The following SETD5 variants were observed in gnomAD, a reference collection of about 807,000 sequenced individuals.
SETD5 encodes the protein SET domain containing 5.
In SETD5, 44 loss-of-function variants were observed where a neutral mutation model predicts 153.3. The observed-to-expected ratio is 0.29, with a 90% CI of 0.23 to 0.37. The LOEUF (loss-of-function observed/expected upper bound fraction) is 0.37, where lower values mean the gene tolerates loss of function less well. Ranked by LOEUF, SETD5 falls within the 10% of genes least tolerant of loss-of-function variation. SETD5 has a pLI of 1.00. For synonymous variants in SETD5, 716 were observed against 645.2 expected (o/e 1.11, Z -1.66); for missense variants, 1,544 against 1,768.0 (o/e 0.87, Z 2.27).
In SETD5 at chr3:9,473,402, G is replaced by A. The variant is rs753829449; in HGVS notation, c.3362G>A (p.Arg1121Gln). The stretch of plus-strand genomic sequence containing the variant: ...CATGGTGTGCAGGGATCCTCAGCCC[G>A]AACTCCATCTTCCCCTCACAAAAAA... ...GAHGVQGSSA[R>Q]TPSSPHKKFS... The change falls in exon 20 of 23, where the codon CGA becomes CAA. Residue 1121 changes from arginine to glutamine, a missense_variant. Transcript: ENST00000402198. The A allele has an allele frequency of 9.9e-6, 16 of 1,613,776 alleles. No individual in the cohort carries two copies. Among genetic ancestry groups the A allele is most frequent in the Admixed American group, 1.7e-5 (1 of 59,994 alleles).
intron 19 of SETD5, among the ~76,000 whole-genome samples, chr3:9,471,741 G>A (rs1195087605): frequency 6.6e-6 from 1 of 152,212 alleles, no homozygotes; most frequent in Non-Finnish European, 1.5e-5. Flanking sequence ...GTTTGAGAAT[G>A]AGTAGGAGTG....
At chr3:9,440,349 T>C (rs2041122312) in intron 7 of SETD5, 107 bp from the exon 8 acceptor site, 2 of 651,930 alleles carry the variant, frequency 3.1e-6, no homozygotes, top group East Asian at 2.6e-5. Flanking sequence ...GCCACATCAA[T>C]TGCCAAGTGA....
chr3:9,470,820 A>G lies in SETD5; in HGVS notation c.3086A>G (p.Tyr1029Cys). ...CSPAEGFSSR[Y>C]EHGLMKDLSR... ...CCTGCAGAAGGATTTTCCAGCAGAT[A>G]TGAACATGGCTTAATGAAAGACCTC... is the stretch of plus-strand genomic sequence containing the variant. The change falls in exon 19 of 23, where the codon TAT (tyrosine) becomes TGT (cysteine). Residue 1029 changes from tyrosine to cysteine, a missense_variant. By Grantham distance (194) the Tyr-to-Cys change is radical. Coordinates refer to ENST00000402198, the MANE Select transcript of SETD5 (RefSeq NM_001080517.3). The G allele has an allele frequency of 6.2e-7, 1 of 1,613,472 alleles. No individual in the cohort carries two copies. The highest frequency in any genetic ancestry group is 8.5e-7 in the Non-Finnish European group (1 of 1,179,606).
intron 3 of SETD5, among the ~76,000 whole-genome samples, chr3:9,432,046 C>G (rs2040026742): frequency 6.6e-6 from 1 of 152,032 alleles, no homozygotes; most frequent in Admixed American, 6.6e-5. Flanking sequence ...TAATGCTTGT[C>G]TGCCTTTGGT....
chr3:9,466,160 C>T (rs913874859), intron 18 of SETD5, among the ~76,000 whole-genome samples: 5 of 151,672 alleles, frequency 3.3e-5, no homozygotes, highest in South Asian at 4.2e-4. Context: ...TGGTAGTGGG[C>T]GCCTGTAGTC....
At chr3:9,472,970 C>G (rs2045483935) in intron 19 of SETD5, among the ~76,000 whole-genome samples, 1 of 152,192 alleles carries the variant, frequency 6.6e-6, no homozygotes, top group Admixed American at 6.5e-5. Context: ...AGATGGTGGT[C>G]TAATTGGCAA....
chr3:9,448,739 A>G, intron 16 of SETD5, 109 bp downstream of exon 16: 3 of 1,090,794 alleles, frequency 2.8e-6, no homozygotes, highest in South Asian at 1.8e-5. Flanking sequence ...CTAGATAGCC[A>G]CTCTGCCCAT....
chr3:9,422,155 A>AT (rs2038504227), intron 1 of SETD5, among the ~76,000 whole-genome samples: 1 of 152,158 alleles, frequency 6.6e-6, no homozygotes, highest in Non-Finnish European at 1.5e-5. Context: ...AATTGAGGAT[A>AT]TTTTTAAGTT....
chr3:9,433,110 A>G (rs987682743), intron 3 of SETD5, among the ~76,000 whole-genome samples: 4 of 152,232 alleles, frequency 2.6e-5, no homozygotes, highest in African/African-American at 9.6e-5. Flanking sequence ...GCACCTAACA[A>G]ATATTGGGCA....
intron 1 of SETD5, among the ~76,000 whole-genome samples, chr3:9,416,546 C>CT (rs377384164): frequency 2.6e-5 from 4 of 152,052 alleles, no homozygotes; most frequent in Admixed American, 6.5e-5. Flanking sequence ...ATGATTAAGA[C>CT]TTTTTTTAAT....
rs1251927443 is a variant in SETD5, at chr3:9,468,621, T to C, written c.2725-1838T>C. The C allele has an allele frequency of 2.3e-6, 3 of 1,295,006 alleles. No homozygotes were observed. In the Admixed American group the frequency reaches 6.9e-5, roughly 30 times the overall value. 80.2% of individuals were successfully genotyped at this position (1,295,006 alleles called of 1,614,324 possible). ...ATCACACTTGGAGGCTGAGAGTGAGTGTTCATGAATGTGTTCCTGAGTGTG... is the reference window on the plus strand; with the variant it reads ...ATCACACTTGGAGGCTGAGAGTGAGCGTTCATGAATGTGTTCCTGAGTGTG... On this transcript the variant is annotated intron_variant, in intron 18 of 22. Coordinates refer to ENST00000402198, the MANE Select transcript of SETD5 (RefSeq NM_001080517.3).
intron 17 of SETD5, among the ~76,000 whole-genome samples, chr3:9,457,706 T>C (rs1408062859): frequency 6.7e-6 from 1 of 150,142 alleles, no homozygotes; most frequent in Non-Finnish European, 1.5e-5. Context: ...TACTGAGAAA[T>C]ATTTTTAAAG....
chr3:9,408,298 G>A (rs1046650513), intron 1 of SETD5, among the ~76,000 whole-genome samples: 1 of 152,104 alleles, frequency 6.6e-6, no homozygotes, highest in Admixed American at 6.6e-5. Flanking sequence ...GCAGTTTTTC[G>A]AATGTCTTTT....
intron 21 of SETD5, 27 bp downstream of exon 21, chr3:9,474,609 C>G: frequency 6.2e-7 from 1 of 1,611,734 alleles, no homozygotes; most frequent in Non-Finnish European, 8.5e-7. Flanking sequence ...CTGCTGCCAC[C>G]ACATTCAGGG....
At chr3:9,442,664 A>G (rs964065015) in intron 10 of SETD5, among the ~76,000 whole-genome samples, 1 of 152,208 alleles carries the variant, frequency 6.6e-6, no homozygotes, top group Non-Finnish European at 1.5e-5. Context: ...CAACCACATC[A>G]AATAAAGCAA....
At chr3:9,442,034 T>G (rs2041354601) in intron 9 of SETD5, 94 bp from the exon 10 acceptor site, 2 of 857,876 alleles carry the variant, frequency 2.3e-6, no homozygotes, top group South Asian at 1.6e-5. Flanking sequence ...AAAAGACTGC[T>G]GCTGCTTCTC....
intron 18 of SETD5, among the ~76,000 whole-genome samples, chr3:9,467,053 G>T (rs959020674): frequency 1.3e-5 from 2 of 151,564 alleles, no homozygotes; most frequent in African/African-American, 4.9e-5. Flanking sequence ...ACCAGCTTAG[G>T]CCAGGTACAG....
At chr3:9,399,392 C>G (rs547070691) in intron 1 of SETD5, among the ~76,000 whole-genome samples, 8 of 151,706 alleles carry the variant, frequency 5.3e-5, no homozygotes, top group Non-Finnish European at 1.0e-4. Context: ...AGAATACCCA[C>G]GTAATCAGAG....
At chr3:9,424,563 TA>T (rs2038871176) in intron 2 of SETD5, 37 bp downstream of exon 2, 1 of 152,222 alleles carries the variant, frequency 6.6e-6, no homozygotes, top group Non-Finnish European at 1.5e-5. Flanking sequence ...ATTTCTGTTT[TA>T]TTTTTTGCAT....
Sources: allele counts gnomAD v4.1 joint callset (sites outside exome capture counted in the v4.1 genomes callset), GRCh38; gene constraint gnomAD v4.1.1; transcripts MANE v1.5; gene names NCBI Gene and HGNC (gene_info 2026-07-23, HGNC 2026-07-21).